Variants in PPRC1 observed in about 807,000 individuals in gnomAD.
The protein encoded by PPRC1 is PPARG related coactivator 1.
A neutral mutation model predicts 132.5 loss-of-function variants in PPRC1; 23 were observed. The ratio of observed to expected loss-of-function variants is 0.17; its 90% CI spans 0.12 to 0.25. The LOEUF (loss-of-function observed/expected upper bound fraction) is 0.25. Among genes scored for constraint, PPRC1 ranks in the 10% least tolerant of loss-of-function variants. The probability of loss-of-function intolerance (pLI) is 1.00; values close to 1 mark genes in which losing one functional copy is unlikely to be tolerated. For missense variants in PPRC1, 2,006 were observed against 2,089.1 expected (o/e 0.96, Z 0.78); for synonymous variants, 872 against 833.5 (o/e 1.05, Z -0.80).
Position 102,150,056 on chromosome 10 carries a change from T to G in PPRC1, c.*27T>G, listed in dbSNP as rs1473374820. 6.4e-7 allele frequency: 1 copy of G among 1,571,320 alleles called. No homozygotes were observed. Among genetic ancestry groups the G allele is most frequent in the Non-Finnish European group, 8.8e-7 (1 of 1,141,218 alleles). Reference sequence around the variant, plus strand: ...CTTGGGCCCTTCCCTGCTATCCTTTTTCTCCTTTGGAGGTGCCCAACCTCC... The same window carrying G: ...CTTGGGCCCTTCCCTGCTATCCTTTGTCTCCTTTGGAGGTGCCCAACCTCC... On this transcript the variant is annotated 3_prime_UTR_variant, in exon 14 of 14. Coordinates refer to ENST00000278070, the MANE Select transcript of PPRC1 (RefSeq NM_015062.5).
chr10:102,130,416 CAAAAAAAAAAAAAAAA>C (rs1203599289), upstream of PPRC1, among the ~76,000 whole-genome samples: 405 of 15,972 alleles, frequency 0.025, 4 homozygotes, highest in African/African-American at 0.059. Context: ...GAATCCTTCT[CAAAAAAAAAAAAAAAA>C]AAAAAAAAAA....
the PPRC1 span, among the ~76,000 whole-genome samples, chr10:102,123,583 A>C: frequency 6.6e-6 from 1 of 152,082 alleles, no homozygotes; most frequent in Non-Finnish European, 1.5e-5. Context: ...GCTGGAGTGC[A>C]GTGGTGCAAT....
the PPRC1 span, among the ~76,000 whole-genome samples, chr10:102,124,361 C>T: frequency 6.6e-6 from 1 of 151,922 alleles, no homozygotes; most frequent in East Asian, 1.9e-4. Flanking sequence ...CCGCGCCCGG[C>T]CTTCTTTCTT....
In PPRC1 at chr10:102,138,254, A is replaced by G. The variant is rs1007966837; in HGVS notation, c.342+216A>G. On this transcript the variant is annotated intron_variant, in intron 2 of 13. Coordinates refer to ENST00000278070, the MANE Select transcript of PPRC1 (RefSeq NM_015062.5). ...AAGAATTCCTTTCCTAGCTTAGACT[A>G]TAGTCCAAGGCCTTTCCCACTGTCT... 2.0e-5 allele frequency among the ~76,000 whole-genome samples: 3 copies of G among 152,188 alleles called. No individual in the cohort carries two copies. In the East Asian group the frequency reaches 5.8e-4, roughly 29 times the overall value.
chr10:102,135,102 A>G lies in PPRC1; in HGVS notation c.153+1881A>G, dbSNP rs139083168. 1.9e-3 allele frequency among the ~76,000 whole-genome samples: 289 copies of G among 152,358 alleles called. 1 individual carries two copies. Among genetic ancestry groups the G allele is most frequent in the African/African-American group, 6.4e-3 (265 of 41,578 alleles). ...TTTAATCAGGATAGACCGATGATAAATAATAATGAATGAGACAAAAGTGCA... is the reference window on the plus strand; with the variant it reads ...TTTAATCAGGATAGACCGATGATAAGTAATAATGAATGAGACAAAAGTGCA... On this transcript the variant is annotated intron_variant, in intron 1 of 13. Transcript: ENST00000278070.
the PPRC1 span, among the ~76,000 whole-genome samples, chr10:102,127,741 G>C: frequency 2.6e-5 from 4 of 151,532 alleles, no homozygotes; most frequent in East Asian, 7.8e-4. Flanking sequence ...TAGTAGAGAC[G>C]GGGTTTCACC....
intron 2 of PPRC1, among the ~76,000 whole-genome samples, chr10:102,138,309 C>G (rs1352624713): frequency 6.6e-6 from 1 of 152,212 alleles, no homozygotes. Flanking sequence ...CCAGAGGATT[C>G]TGATCTCTGT....
At chr10:102,135,583 T>C (rs1396473718) in intron 1 of PPRC1, among the ~76,000 whole-genome samples, 1 of 152,186 alleles carries the variant, frequency 6.6e-6, no homozygotes, top group Non-Finnish European at 1.5e-5. Flanking sequence ...TTCACCATAT[T>C]GGTCAGGCTG....
chr10:102,140,630 C>G lies in PPRC1; in HGVS notation c.2122C>G (p.Gln708Glu). ...ATCAGCCCTGGGGGGTTCAGCACCCCAGCTCCTCGTGGAGTCAGAGTCCTT... is the reference window on the plus strand; with the variant it reads ...ATCAGCCCTGGGGGGTTCAGCACCCGAGCTCCTCGTGGAGTCAGAGTCCTT... Reference protein sequence around the residue: ...VSSALGGSAPQLLVESESLDP... With the variant: ...VSSALGGSAPELLVESESLDP... The change falls in exon 5 of 14, where the codon CAG becomes GAG. Residue 708 changes from glutamine (Q) to glutamate (E), a missense_variant. This residue lies in a region of PPRC1 where 1,914 missense variants were observed against 1,917.2 expected (regional missense o/e 1.00). Coordinates refer to ENST00000278070, the MANE Select transcript of PPRC1 (RefSeq NM_015062.5). The G allele has an allele frequency of 6.2e-7, 1 of 1,614,074 alleles. No individual in the cohort carries two copies.
chr10:102,141,035 C>T lies in PPRC1; in HGVS notation c.2527C>T (p.Pro843Ser). The change falls in exon 5 of 14, where the codon CCC (proline) becomes TCC (serine). Residue 843 changes from proline (P) to serine (S), a missense_variant. Coordinates refer to ENST00000278070, the MANE Select transcript of PPRC1 (RefSeq NM_015062.5). ...PPVSKPVASS[P>S]TEQVPSQEMP... is the part of the protein sequence containing the mutation. ...TGTAAGCAAACCTGTGGCCTCATCT[C>T]CCACTGAGCAGGTGCCATCCCAGGA... 6.2e-7 allele frequency: 1 copy of T among 1,614,160 alleles called. No individual in the cohort carries two copies. Among genetic ancestry groups the T allele is most frequent in the Non-Finnish European group, 8.5e-7 (1 of 1,180,032 alleles).
chr10:102,137,233 G>A (rs764065872), intron 1 of PPRC1, among the ~76,000 whole-genome samples: 19 of 152,120 alleles, frequency 1.2e-4, no homozygotes, highest in Admixed American at 2.0e-4. Context: ...CAGCTGCTCC[G>A]GAGGCTGAGG....
chr10:102,139,618 T>G lies in PPRC1; in HGVS notation c.1110T>G (p.Pro370=). 6.2e-7 allele frequency: 1 copy of G among 1,613,966 alleles called. No homozygotes were observed. Among genetic ancestry groups the G allele is most frequent in the Non-Finnish European group, 8.5e-7 (1 of 1,180,012 alleles). Residue 370 remains proline, a synonymous_variant, in exon 5 of 14, where the codon CCT becomes CCG. Coordinates refer to ENST00000278070, the MANE Select transcript of PPRC1 (RefSeq NM_015062.5). The part of the protein sequence containing the change: ...EIPVVVRQVS[P]GPRPVLLDDS... ...CAGTTGTGGTGCGACAGGTCTCTCC[T>G]GGACCCCGGCCTGTGCTCCTGGATG... is the stretch of plus-strand genomic sequence containing the variant.
At chr10:102,120,502 A>T in the PPRC1 span, 1 of 493,780 alleles carries the variant, frequency 2.0e-6, no homozygotes, top group Non-Finnish European at 2.6e-6. Context: ...CAAGCCGGGC[A>T]GGGCCGGGCT....
At chr10:102,133,296 G>T (rs1439519599) in intron 1 of PPRC1, 75 bp downstream of exon 1, 9 of 1,176,444 alleles carry the variant, frequency 7.7e-6, no homozygotes, top group African/African-American at 1.6e-5. Flanking sequence ...GACGCCACAG[G>T]AAAGAGAGGA....
rs1590364701 is a variant in PPRC1, at chr10:102,149,037, T to A, written c.4739+99T>A. The A allele has an allele frequency of 2.6e-6, 4 of 1,542,800 alleles. No individual in the cohort carries two copies. In the East Asian group the frequency reaches 9.0e-5, roughly 35 times the overall value. ...CCTTGCTCTGGTGTGCTGAGCAATATGGGGCACCTTCATTTCTGCAGTCAG... is the reference window on the plus strand; with the variant it reads ...CCTTGCTCTGGTGTGCTGAGCAATAAGGGGCACCTTCATTTCTGCAGTCAG... On this transcript the variant is annotated intron_variant, in intron 12 of 13. Transcript: ENST00000278070.
Position 102,141,141 on chromosome 10 carries a change from C to G in PPRC1, c.2633C>G (p.Ala878Gly). 6.2e-7 allele frequency: 1 copy of G among 1,613,948 alleles called. No homozygotes were observed. Among genetic ancestry groups the G allele is most frequent in the Admixed American group, 1.7e-5 (1 of 60,016 alleles). ...CCCACACCTCCCTCGATGTCTGCTGCCCTGCCTTTCCCTGCAGGTGGGCTT... is the reference window on the plus strand; with the variant it reads ...CCCACACCTCCCTCGATGTCTGCTGGCCTGCCTTTCCCTGCAGGTGGGCTT... ...AVPTPPSMSAALPFPAGGLGM... is the reference protein window; with the variant it reads ...AVPTPPSMSAGLPFPAGGLGM... Residue 878 changes from alanine (A) to glycine (G), a missense_variant, in exon 5 of 14, where the codon GCC becomes GGC. Coordinates refer to ENST00000278070, the MANE Select transcript of PPRC1 (RefSeq NM_015062.5).
rs2069121629 is a variant in PPRC1, at chr10:102,144,235, A to G, written c.3551-15A>G. ...ACATCTGGTTGGGCTTTTAACTAGT[A>G]TGGTTTCTTTGCAGCCAAAAAGGAG... On this transcript the variant is annotated splice_polypyrimidine_tract_variant and intron_variant, in intron 6 of 13. Transcript: ENST00000278070. The G allele has an allele frequency of 1.9e-6, 3 of 1,614,004 alleles. No homozygotes were observed. Among genetic ancestry groups the G allele is most frequent in the Non-Finnish European group, 2.5e-6 (3 of 1,179,868 alleles).
the PPRC1 span, among the ~76,000 whole-genome samples, chr10:102,120,954 C>G: frequency 6.6e-6 from 1 of 152,202 alleles, no homozygotes; most frequent in Non-Finnish European, 1.5e-5. Context: ...TGTTTCGCGT[C>G]CCTACCCTAG....
At chr10:102,129,716 T>C (rs1182799722), upstream of PPRC1, among the ~76,000 whole-genome samples, 1 of 152,202 alleles carries the variant, frequency 6.6e-6, no homozygotes, top group Non-Finnish European at 1.5e-5. Context: ...CGATTCTCCC[T>C]GCCTCAGCCT....
Sources: allele counts gnomAD v4.1 joint callset (sites outside exome capture counted in the v4.1 genomes callset), GRCh38; gene constraint gnomAD v4.1.1; regional missense constraint gnomAD v4.1.1; transcripts MANE v1.5; gene names NCBI Gene and HGNC (gene_info 2026-07-23, HGNC 2026-07-21).